Variants in CAMK4 observed in about 807,000 individuals in gnomAD.
CAMK4 encodes the protein calcium/calmodulin-dependent protein kinase type IV.
CAMK4 carries 22 observed loss-of-function variants against 44.9 expected under a neutral mutation model. The ratio of observed to expected loss-of-function variants is 0.49; its 90% CI spans 0.35 to 0.70. The LOEUF is 0.70. Among genes scored for constraint, CAMK4 ranks in the 30% least tolerant of loss-of-function variants. The pLI is 0.01. For missense variants in CAMK4, 498 were observed against 586.8 expected (o/e 0.85, Z 1.56); for synonymous variants, 218 against 215.4 (o/e 1.01, Z -0.11).
At chr5:111,315,004 C>T (rs114236088) in intron 1 of CAMK4, among the ~76,000 whole-genome samples, 29 of 151,960 alleles carry the variant, frequency 1.9e-4, no homozygotes, top group African/African-American at 6.8e-4. Context: ...AAATAGATAC[C>T]ATGTTATGGT....
chr5:111,262,345 TGCTTATTGAAGTTAG>T (rs1250045106), intron 1 of CAMK4, among the ~76,000 whole-genome samples: 1 of 152,072 alleles, frequency 6.6e-6, no homozygotes, highest in African/African-American at 2.4e-5. Flanking sequence ...GGGCCACTGG[TGCTTATTGAAGTTAG>T]GCTCCCACTC....
intron 7 of CAMK4, among the ~76,000 whole-genome samples, chr5:111,464,830 C>G (rs888597572): frequency 6.6e-6 from 1 of 152,160 alleles, no homozygotes. Context: ...AATACATAGA[C>G]AGTTTTCTGG....
At chr5:111,480,758 T>A (rs903825359) in intron 9 of CAMK4, among the ~76,000 whole-genome samples, 4 of 152,314 alleles carry the variant, frequency 2.6e-5, no homozygotes, top group East Asian at 1.9e-4. Flanking sequence ...ACATAATATA[T>A]GTTAAGTAAC....
intron 7 of CAMK4, among the ~76,000 whole-genome samples, chr5:111,454,125 CAG>C (rs1241464727): frequency 2.0e-5 from 3 of 152,102 alleles, no homozygotes; most frequent in South Asian, 2.1e-4. Flanking sequence ...ATTTACAATA[CAG>C]AGACTTTACT....
chr5:111,388,796 G>A lies in CAMK4; in HGVS notation c.387-5914G>A, dbSNP rs186448288. Among the ~76,000 whole-genome samples, 177 of 152,294 alleles carry A rather than the reference G, an allele frequency of 1.2e-3. 1 individual carries two copies. The highest frequency in any genetic ancestry group is 4.2e-3 in the African/African-American group (174 of 41,562). On this transcript the variant is annotated intron_variant, in intron 4 of 10. Coordinates refer to ENST00000282356, the MANE Select transcript of CAMK4 (RefSeq NM_001744.6). The stretch of plus-strand genomic sequence containing the variant: ...AATAAATAAATTAGCAGATACATCT[G>A]TTGGAATGCATCCTCTGGTTAAGAG...
chr5:111,385,315 A>G (rs1206812842), intron 4 of CAMK4, among the ~76,000 whole-genome samples: 1 of 152,106 alleles, frequency 6.6e-6, no homozygotes, highest in Non-Finnish European at 1.5e-5. Flanking sequence ...TAAGTCAGAA[A>G]TTGCTTCAGG....
At chr5:111,337,757 C>G (rs1298927790) in intron 1 of CAMK4, among the ~76,000 whole-genome samples, 1 of 151,048 alleles carries the variant, frequency 6.6e-6, no homozygotes, top group Admixed American at 6.6e-5. Flanking sequence ...CTGATAAGCT[C>G]TGATCGGTGA....
At position 111,260,669 on chromosome 5, in the gene CAMK4, A is replaced by T. The variant is rs143669072; in HGVS notation, c.161+36025A>T. Among the ~76,000 whole-genome samples the T allele has an allele frequency of 3.6e-3, 551 of 152,242 alleles. 4 individuals carry two copies. The highest frequency in any genetic ancestry group is 0.013 in the African/African-American group (527 of 41,538). On this transcript the variant is annotated intron_variant, in intron 1 of 10. Coordinates refer to ENST00000282356, the MANE Select transcript of CAMK4 (RefSeq NM_001744.6). ...TCTTTTCTTACACTTCCAGTCTCTCAAGGAGGTAGCCTCAATCTTTTATTA... is the reference window on the plus strand; with the variant it reads ...TCTTTTCTTACACTTCCAGTCTCTCTAGGAGGTAGCCTCAATCTTTTATTA...
chr5:111,373,617 G>C (rs549844290), intron 2 of CAMK4, among the ~76,000 whole-genome samples: 41 of 152,166 alleles, frequency 2.7e-4, no homozygotes, highest in African/African-American at 9.9e-4. Flanking sequence ...ATATGCGCTT[G>C]GATTTCTCCT....
chr5:111,258,782 T>TGTGC (rs1554055382), intron 1 of CAMK4, among the ~76,000 whole-genome samples: 5 of 147,672 alleles, frequency 3.4e-5, no homozygotes, highest in African/African-American at 1.0e-4. Flanking sequence ...TGTGTGTGTG[T>TGTGC]GCAGTCTTAG....
chr5:111,454,152 G>A (rs1754334569), intron 7 of CAMK4, among the ~76,000 whole-genome samples: 1 of 152,230 alleles, frequency 6.6e-6, no homozygotes, highest in East Asian at 1.9e-4. Flanking sequence ...ACTTGAAAAA[G>A]TGTCTGACAC....
At chr5:111,318,134 A>G (rs1021929406) in intron 1 of CAMK4, among the ~76,000 whole-genome samples, 1 of 152,140 alleles carries the variant, frequency 6.6e-6, no homozygotes, top group Non-Finnish European at 1.5e-5. Flanking sequence ...GAAGTGTATT[A>G]CATAATTTAG....
chr5:111,286,011 G>T (rs1751225208), intron 1 of CAMK4, among the ~76,000 whole-genome samples: 2 of 152,166 alleles, frequency 1.3e-5, no homozygotes, highest in South Asian at 4.1e-4. Context: ...TGGGACATTA[G>T]CCAGAGTCGA....
At chr5:111,334,880 A>G (rs1664676681) in intron 1 of CAMK4, among the ~76,000 whole-genome samples, 1 of 151,564 alleles carries the variant, frequency 6.6e-6, no homozygotes, top group South Asian at 2.1e-4. Context: ...ATACTTTGTA[A>G]CCAAGCATCT....
intron 1 of CAMK4, among the ~76,000 whole-genome samples, chr5:111,263,275 T>A (rs1273312702): frequency 2.0e-5 from 3 of 152,246 alleles, no homozygotes; most frequent in African/African-American, 4.8e-5. Flanking sequence ...TACTGGAACT[T>A]TTATGTTATA....
intron 1 of CAMK4, among the ~76,000 whole-genome samples, chr5:111,324,835 A>G (rs1165243374): frequency 6.6e-6 from 1 of 151,686 alleles, no homozygotes; most frequent in East Asian, 1.9e-4. Context: ...TATAGTATGT[A>G]TTTTTTTTCT....
At chr5:111,248,085 A>G (rs1177578510) in intron 1 of CAMK4, among the ~76,000 whole-genome samples, 2 of 152,100 alleles carry the variant, frequency 1.3e-5, no homozygotes, top group South Asian at 2.1e-4. Context: ...GGGCTTTACT[A>G]TAATTCGGTT....
rs538170488 is a variant in CAMK4, at chr5:111,486,290, T to G, written c.*1824T>G. 52 of 152,138 alleles carry G rather than the reference T, an allele frequency of 3.4e-4. No individual in the cohort carries two copies. The highest frequency in any genetic ancestry group is 1.2e-3 in the African/African-American group (51 of 41,512). 9.4% of individuals were successfully genotyped at this position (152,138 alleles called of 1,614,324 possible). ...TCTGGGCTCAGAAGATTATTTTTTG[T>G]TTTGTTTTATTTGTACTATCTAGTA... On this transcript the variant is annotated 3_prime_UTR_variant, in exon 11 of 11. Transcript: ENST00000282356.
intron 2 of CAMK4, among the ~76,000 whole-genome samples, chr5:111,369,983 A>C (rs574661414): frequency 3.9e-5 from 6 of 152,242 alleles, no homozygotes; most frequent in African/African-American, 1.4e-4. Flanking sequence ...GGCTGACTGT[A>C]TGTGGAAAAA....
Sources: gnomAD v4.1 joint callset for allele counts (sites outside exome capture counted in the v4.1 genomes callset) on GRCh38, gnomAD v4.1.1 for gene constraint, MANE v1.5 for transcripts, NCBI Gene and HGNC (gene_info 2026-07-23, HGNC 2026-07-21) for gene names.